The following OSBPL10 variants were observed in gnomAD, a reference collection of about 807,000 sequenced individuals.
OSBPL10 encodes oxysterol-binding protein-related protein 10.
A neutral mutation model predicts 81.7 loss-of-function variants in OSBPL10; 49 were observed. The ratio of observed to expected loss-of-function variants is 0.60; its 90% CI spans 0.48 to 0.76. OSBPL10 has a LOEUF of 0.76. Ranked by LOEUF, OSBPL10 falls within the 30% of genes least tolerant of loss-of-function variation. The pLI is 0.00. For missense variants in OSBPL10, 923 were observed against 987.8 expected (o/e 0.93, Z 0.88); for synonymous variants, 419 against 383.6 (o/e 1.09, Z -1.08).
chr3:32,067,320 C>G (rs1036798572), intron 1 of OSBPL10, among the ~76,000 whole-genome samples: 4 of 152,178 alleles, frequency 2.6e-5, no homozygotes, highest in African/African-American at 2.4e-5. Flanking sequence ...TTCTGTGGAA[C>G]CCAGAGCCAC....
intron 3 of OSBPL10, among the ~76,000 whole-genome samples, chr3:31,832,502 T>C (rs887644694): frequency 6.6e-6 from 1 of 152,230 alleles, no homozygotes; most frequent in African/African-American, 2.4e-5. Context: ...ACTGAATACC[T>C]ACTATGTGCC....
intron 9 of OSBPL10, among the ~76,000 whole-genome samples, chr3:31,669,720 A>C (rs994023161): frequency 9.2e-5 from 14 of 152,200 alleles, no homozygotes; most frequent in Non-Finnish European, 1.8e-4. Context: ...CTTTCTGCAC[A>C]GTTGAAGGAA....
At chr3:31,834,375 GTCCC>G (rs1311571451) in intron 3 of OSBPL10, among the ~76,000 whole-genome samples, 2 of 152,136 alleles carry the variant, frequency 1.3e-5, no homozygotes, top group Admixed American at 1.3e-4. Context: ...TAGGAGAATC[GTCCC>G]TCACACAGCC....
chr3:31,989,527 C>G lies in OSBPL10; in HGVS notation n.298+56964G>C, dbSNP rs767951119. The G allele has an allele frequency of 8.1e-6, 13 of 1,614,158 alleles. No homozygotes were observed. The Admixed American group carries it at 1.0e-4, about 12-fold the overall frequency. On this transcript the variant is annotated intron_variant and non_coding_transcript_variant, in intron 2 of 3. Coordinates refer to the OSBPL10 transcript ENST00000479173. The stretch of plus-strand genomic sequence containing the variant: ...TGATCGAAGGCATCCTGGAAACAAG[C>G]CTATCAAAGATCAGCTTGGATTAAG...
At chr3:31,817,428 G>C (rs1699865983) in intron 4 of OSBPL10, among the ~76,000 whole-genome samples, 1 of 152,188 alleles carries the variant, frequency 6.6e-6, no homozygotes, top group Non-Finnish European at 1.5e-5. Flanking sequence ...AAGGATGCAG[G>C]CTGCACCAGG....
intron 1 of OSBPL10, among the ~76,000 whole-genome samples, chr3:31,946,474 G>T (rs1697706635): frequency 6.6e-6 from 1 of 151,584 alleles, no homozygotes; most frequent in South Asian, 2.1e-4. Flanking sequence ...TGACTACTAT[G>T]TACAAAATAT....
chr3:31,664,301 A>AGGAGCAGCC (rs1322533895), intron 10 of OSBPL10, 69 bp from the exon 11 acceptor site: 2 of 1,549,976 alleles, frequency 1.3e-6, no homozygotes, highest in Non-Finnish European at 8.8e-7. Context: ...GAACTCTGCC[A>AGGAGCAGCC]GGAGCAGCCA....
intron 3 of OSBPL10, among the ~76,000 whole-genome samples, chr3:31,872,699 G>A (rs570355868): frequency 4.9e-5 from 7 of 144,144 alleles, no homozygotes; most frequent in Non-Finnish European, 8.9e-5. Flanking sequence ...TCAGTTTGAT[G>A]TAACCTCTGT....
At chr3:31,927,186 A>G (rs1212905650) in intron 1 of OSBPL10, among the ~76,000 whole-genome samples, 1 of 151,956 alleles carries the variant, frequency 6.6e-6, no homozygotes, top group African/African-American at 2.4e-5. Context: ...AGTCACTGAC[A>G]TTTCAAATCT....
intron 6 of OSBPL10, among the ~76,000 whole-genome samples, chr3:31,710,170 G>C (rs1424347126): frequency 3.9e-5 from 6 of 152,102 alleles, no homozygotes; most frequent in Admixed American, 1.3e-4. Flanking sequence ...CACCTGTAAG[G>C]CTCAGCCTTC....
chr3:31,792,008 G>A (rs1699022953), intron 4 of OSBPL10, among the ~76,000 whole-genome samples: 1 of 152,142 alleles, frequency 6.6e-6, no homozygotes, highest in African/African-American at 2.4e-5. Flanking sequence ...CACTTTGGGA[G>A]GCCGAGGTGG....
intron 4 of OSBPL10, among the ~76,000 whole-genome samples, chr3:31,809,013 A>G (rs13076635): frequency 0.31 from 47,207 of 152,132 alleles, 8,833 homozygotes; most frequent in East Asian, 0.63. Flanking sequence ...CTCCATGCTT[A>G]AGGTAAACAA....
chr3:31,867,923 C>T (rs986894708), intron 3 of OSBPL10, among the ~76,000 whole-genome samples: 1 of 152,194 alleles, frequency 6.6e-6, no homozygotes, highest in Non-Finnish European at 1.5e-5. Flanking sequence ...CTCTCACAGT[C>T]ACTTTAAAAA....
rs1230332565 is a variant in OSBPL10, at chr3:32,051,389, G to A, written n.186-4786C>T. On this transcript the variant is annotated intron_variant and non_coding_transcript_variant, in intron 1 of 3. Coordinates refer to the OSBPL10 transcript ENST00000479173. ...ATTCTCATTATGAGAAAGCTTTGGT[G>A]TGGAATAACTAGGTAGGAAATACAC... Among the ~76,000 whole-genome samples the A allele has an allele frequency of 6.0e-5, 9 of 150,834 alleles. No homozygotes were observed. The South Asian group carries it at 1.9e-3, about 32-fold the overall frequency.
intron 6 of OSBPL10, chr3:31,709,059 G>C: frequency 1.0e-6 from 1 of 984,774 alleles, no homozygotes; most frequent in Non-Finnish European, 1.2e-6. Flanking sequence ...CTTGCCATTT[G>C]GAGGTAGATT....
At chr3:31,987,363 A>T (rs896242684) in intron 2 of OSBPL10, among the ~76,000 whole-genome samples, 1 of 152,202 alleles carries the variant, frequency 6.6e-6, no homozygotes, top group Non-Finnish European at 1.5e-5. Context: ...TCCACTACTG[A>T]TGAACACTCA....
chr3:31,793,355 T>C (rs1699082707), intron 4 of OSBPL10, among the ~76,000 whole-genome samples: 1 of 152,216 alleles, frequency 6.6e-6, no homozygotes, highest in African/African-American at 2.4e-5. Flanking sequence ...CACCCGTTTG[T>C]ATGACCTCCT....
intron 1 of OSBPL10, among the ~76,000 whole-genome samples, chr3:31,957,384 C>G (rs1166564427): frequency 6.6e-6 from 1 of 152,132 alleles, no homozygotes; most frequent in Non-Finnish European, 1.5e-5. Context: ...CAACCCAGAG[C>G]CACAGTGGCA....
intron 4 of OSBPL10, among the ~76,000 whole-genome samples, chr3:31,812,734 GAA>G (rs1303795072): frequency 5.7e-5 from 1 of 17,666 alleles, no homozygotes; most frequent in Non-Finnish European, 9.3e-5. Flanking sequence ...AAGAAAGAAA[GAA>G]AGAAAGAAAG....
Sources: allele counts gnomAD v4.1 joint callset (sites outside exome capture counted in the v4.1 genomes callset), GRCh38; gene constraint gnomAD v4.1.1; transcripts MANE v1.5; gene names NCBI Gene and HGNC (gene_info 2026-07-23, HGNC 2026-07-21).